The following HRH2 variants were observed in gnomAD, a reference collection of about 807,000 sequenced individuals.
HRH2 encodes histamine receptor H2.
HRH2 carries 4 observed loss-of-function variants against 20.1 expected under a neutral mutation model. The ratio of observed to expected loss-of-function variants is 0.20; its 90% confidence interval spans 0.10 to 0.45. The LOEUF (loss-of-function observed/expected upper bound fraction) is 0.45, where lower values mean the gene tolerates loss of function less well. Among genes scored for constraint, HRH2 ranks in the 20% least tolerant of loss-of-function variants. The pLI is 0.99. For synonymous variants in HRH2, 197 were observed against 200.7 expected (o/e 0.98, Z 0.16); for missense variants, 250 against 461.6 (o/e 0.54, Z 4.20).
chr5:175,694,356 C>T (rs1397848672), intron 2 of HRH2, among the ~76,000 whole-genome samples: 2 of 152,116 alleles, frequency 1.3e-5, no homozygotes, highest in East Asian at 1.9e-4. Context: ...TGTAAGTCCC[C>T]GGAGGCTGTC....
intron 2 of HRH2, among the ~76,000 whole-genome samples, chr5:175,697,387 C>T (rs1756632479): frequency 6.7e-6 from 1 of 149,326 alleles, no homozygotes; most frequent in Non-Finnish European, 1.5e-5. Context: ...GGCATGAACC[C>T]AAGAGGCGGA....
chr5:175,696,880 G>C (rs1400603823), intron 2 of HRH2, among the ~76,000 whole-genome samples: 1 of 152,234 alleles, frequency 6.6e-6, no homozygotes, highest in Non-Finnish European at 1.5e-5. Flanking sequence ...GAAAATGCTA[G>C]AGCCGGGCCG....
intron 1 of HRH2, among the ~76,000 whole-genome samples, chr5:175,673,125 G>A (rs891130686): frequency 1.8e-4 from 28 of 152,182 alleles, no homozygotes; most frequent in African/African-American, 6.3e-4. Context: ...AGTGATTCAA[G>A]CGCCAGCAGC....
chr5:175,666,656 C>G (rs555618839), intron 1 of HRH2, among the ~76,000 whole-genome samples: 1 of 152,112 alleles, frequency 6.6e-6, no homozygotes, highest in African/African-American at 2.4e-5. Context: ...GGCTTGAACT[C>G]CTGGGCTCAA....
At chr5:175,672,932 G>A (rs1339097850) in intron 1 of HRH2, among the ~76,000 whole-genome samples, 3 of 152,180 alleles carry the variant, frequency 2.0e-5, no homozygotes, top group African/African-American at 7.2e-5. Flanking sequence ...GGGAGGAGCA[G>A]GTGTGTAGTA....
intron 2 of HRH2, among the ~76,000 whole-genome samples, chr5:175,705,794 C>A (rs1024565190): frequency 6.6e-6 from 1 of 152,108 alleles, no homozygotes; most frequent in Non-Finnish European, 1.5e-5. Context: ...TCCCAAGTAG[C>A]TGGGACTATA....
intron 1 of HRH2, among the ~76,000 whole-genome samples, chr5:175,679,463 G>C (rs894943867): frequency 6.6e-6 from 1 of 152,206 alleles, no homozygotes; most frequent in African/African-American, 2.4e-5. Flanking sequence ...TCTAGGTAAG[G>C]AAAGACCTTC....
chr5:175,685,558 T>G (rs764830857), intron 2 of HRH2: 2 of 1,368,520 alleles, frequency 1.5e-6, no homozygotes, highest in African/African-American at 2.9e-5. Context: ...TGAGATTTTT[T>G]GGGTTTATGG....
At chr5:175,695,566 GA>G (rs1361310147) in intron 2 of HRH2, among the ~76,000 whole-genome samples, 11 of 152,184 alleles carry the variant, frequency 7.2e-5, no homozygotes, top group African/African-American at 2.7e-4. Context: ...GGAATTTCTG[GA>G]AACAGTTACT....
intron 1 of HRH2, among the ~76,000 whole-genome samples, chr5:175,663,719 G>T (rs527301756): frequency 6.6e-6 from 1 of 152,316 alleles, no homozygotes; most frequent in Non-Finnish European, 1.5e-5. Flanking sequence ...CCCCAGAGAG[G>T]CCCTCCCTGT....
intron 1 of HRH2, among the ~76,000 whole-genome samples, chr5:175,679,351 A>G (rs1755878720): frequency 6.6e-6 from 1 of 152,196 alleles, no homozygotes; most frequent in African/African-American, 2.4e-5. Context: ...TGAGGTGAGT[A>G]CAAGGGAGGT....
chr5:175,671,576 C>T (rs1353879902), intron 1 of HRH2, among the ~76,000 whole-genome samples: 3 of 152,152 alleles, frequency 2.0e-5, no homozygotes, highest in Non-Finnish European at 4.4e-5. Context: ...CTTCTCTGAA[C>T]CTCAGAGCTT....
intron 1 of HRH2, among the ~76,000 whole-genome samples, chr5:175,663,791 C>G (rs543456876): frequency 6.6e-6 from 1 of 152,188 alleles, no homozygotes; most frequent in Non-Finnish European, 1.5e-5. Context: ...TTTCTTTGAT[C>G]GTATTTTCCT....
chr5:175,663,603 C>G (rs376720242), intron 1 of HRH2, among the ~76,000 whole-genome samples: 15 of 152,320 alleles, frequency 9.8e-5, no homozygotes, highest in African/African-American at 3.4e-4. Flanking sequence ...TCTCCTCACT[C>G]GGCTCTAGCC....
chr5:175,679,254 C>G (rs2113509517), intron 1 of HRH2, among the ~76,000 whole-genome samples: 1 of 152,214 alleles, frequency 6.6e-6, no homozygotes, highest in Non-Finnish European at 1.5e-5. Context: ...GAGAGTGCTC[C>G]CAGGGCCTTG....
At chr5:175,691,172 C>T (rs573930042) in intron 2 of HRH2, 31 of 152,416 alleles carry the variant, frequency 2.0e-4, no homozygotes, top group East Asian at 5.8e-4. Flanking sequence ...CGCGGCCACG[C>T]GGAGCAACGG....
At chr5:175,663,447 T>A (rs1324231329) in intron 1 of HRH2, among the ~76,000 whole-genome samples, 52 of 152,236 alleles carry the variant, frequency 3.4e-4, no homozygotes, top group Admixed American at 3.4e-3. Context: ...TGGCCATTTG[T>A]GTATCTTCTT....
intron 2 of HRH2, among the ~76,000 whole-genome samples, chr5:175,695,651 C>T (rs968538372): frequency 1.3e-5 from 2 of 152,226 alleles, no homozygotes; most frequent in Non-Finnish European, 2.9e-5. Flanking sequence ...CTGTGGGGGC[C>T]TCCCTGCTGC....
chr5:175,662,120 C>T (rs894967420), intron 1 of HRH2, among the ~76,000 whole-genome samples: 1 of 152,010 alleles, frequency 6.6e-6, no homozygotes, highest in African/African-American at 2.4e-5. Flanking sequence ...GTCCTCAGGG[C>T]TTTGATAGGG....
Sources: gnomAD v4.1 joint callset for allele counts (sites outside exome capture counted in the v4.1 genomes callset) on GRCh38, gnomAD v4.1.1 for gene constraint, MANE v1.5 for transcripts, NCBI Gene and HGNC (gene_info 2026-07-23, HGNC 2026-07-21) for gene names.